Variants in DHX38 observed in about 807,000 individuals in gnomAD.
The protein encoded by DHX38 is DEAH-box helicase 38.
Under a neutral mutation model 153.1 loss-of-function variants are expected in DHX38, and 100 were observed. That is an observed-to-expected ratio of 0.65 (90% CI 0.56 to 0.77). The LOEUF (loss-of-function observed/expected upper bound fraction) is 0.77. Ranked by LOEUF, DHX38 falls within the 30% of genes least tolerant of loss-of-function variation. The pLI is 0.00. For missense variants in DHX38, 1,440 were observed against 1,654.0 expected (o/e 0.87, Z 2.24); for synonymous variants, 650 against 631.7 (o/e 1.03, Z -0.43).
At position 72,097,759 on chromosome 16, in the gene DHX38, G is replaced by C. The variant is rs1243995538; in HGVS notation, c.594G>C (p.Glu198Asp). 3 of 1,614,014 alleles carry C rather than the reference G, an allele frequency of 1.9e-6. No homozygotes were observed. Among genetic ancestry groups the C allele is most frequent in the Non-Finnish European group, 2.5e-6 (3 of 1,179,932 alleles). Reference sequence around the variant, plus strand: ...GTAGCAGCAGAAGAAATGAACCCGAGAGCCCACGACATCGACCTAAAGGTA... The same window carrying C: ...GTAGCAGCAGAAGAAATGAACCCGACAGCCCACGACATCGACCTAAAGGTA... ...SERSSRRNEPESPRHRPKDAA... is the reference protein window; with the variant it reads ...SERSSRRNEPDSPRHRPKDAA... Residue 198 changes from glutamate to aspartate, a missense_variant, in exon 4 of 27, where the codon GAG becomes GAC. By Grantham distance (45) the Glu-to-Asp change is conservative. Transcript: ENST00000268482.
rs1369734598 is a variant in DHX38, at chr16:72,100,433, C to A, written c.1117-3C>A. The A allele has an allele frequency of 6.2e-7, 1 of 1,613,560 alleles. No homozygotes were observed. Among genetic ancestry groups the A allele is most frequent in the Non-Finnish European group, 8.5e-7 (1 of 1,179,744 alleles). Reference sequence around the variant, plus strand: ...GAGTGTGGCTCCCATTGTGTCCTCACAGGATAACGAGCGCTGGGAGACAAA... The same window carrying A: ...GAGTGTGGCTCCCATTGTGTCCTCAAAGGATAACGAGCGCTGGGAGACAAA... On this transcript the variant is annotated splice_region_variant and splice_polypyrimidine_tract_variant and intron_variant, in intron 8 of 26. Transcript: ENST00000268482.
At chr16:72,098,556 A>T in intron 4 of DHX38, 89 bp from the exon 5 acceptor site, 1 of 1,522,036 alleles carries the variant, frequency 6.6e-7, no homozygotes, top group Non-Finnish European at 8.9e-7. Context: ...AAAAGGAGTA[A>T]ATTTGGGGAA....
intron 11 of DHX38, 56 bp downstream of exon 11, chr16:72,101,668 T>G: frequency 1.4e-6 from 2 of 1,460,968 alleles, no homozygotes; most frequent in Non-Finnish European, 9.4e-7. Flanking sequence ...GGGGCCCATG[T>G]GGGCAGTTGC....
At position 72,105,154 on chromosome 16, in the gene DHX38, C is replaced by T. The variant is rs751801110; in HGVS notation, c.2262+17C>T. ...GACATTGAGGTGCGTGCCTTGGTCA[C>T]GACTGTGATGAGCGGGTGTGTCTTG... On this transcript the variant is annotated intron_variant, in intron 16 of 26. Coordinates refer to ENST00000268482, the MANE Select transcript of DHX38 (RefSeq NM_014003.4). 2.7e-5 allele frequency: 44 copies of T among 1,613,872 alleles called. No individual in the cohort carries two copies. The highest frequency in any genetic ancestry group is 1.3e-4 in the South Asian group (12 of 91,080).
Position 72,104,103 on chromosome 16 carries a change from C to G in DHX38, c.1982C>G (p.Thr661Ser), listed in dbSNP as rs746929014. Residue 661 changes from threonine to serine, a missense_variant, in exon 14 of 27, where the codon ACT becomes AGT. Transcript: ENST00000268482. This position sits in a 1 kb window ranked among gnomAD's most constrained non-coding sequence, Gnocchi z 4.5. The stretch of plus-strand genomic sequence containing the variant: ...GAGGCCCACGAGCGCTCCCTCAACA[C>G]TGACGTGCTCTTTGGGCTGCTCCGG... The part of the protein sequence containing the change: ...MDEAHERSLN[T>S]DVLFGLLREV... 2.5e-6 allele frequency: 4 copies of G among 1,614,042 alleles called. No homozygotes were observed. In the Admixed American group the frequency reaches 5.0e-5, roughly 20 times the overall value.
chr16:72,107,716 G>A lies in DHX38; in HGVS notation c.2881G>A (p.Val961Met). The change falls in exon 21 of 27, where the codon GTG (valine) becomes ATG (methionine). Residue 961 changes from valine (V) to methionine (M), a missense_variant. Physicochemically the swap from Val to Met is conservative, Grantham distance 21. This residue lies in a region of DHX38 where 543 missense variants were observed against 717.9 expected (regional missense o/e 0.76). Transcript: ENST00000268482. The surrounding 1 kb of genome is among the most constrained non-coding windows in gnomAD (Gnocchi z 5.3). Reference sequence around the variant, plus strand: ...CCCTGCCCTGTCCAAGATGCTCATCGTGTCCTGTGACATGGGCTGCAGCTC... The same window carrying A: ...CCCTGCCCTGTCCAAGATGCTCATCATGTCCTGTGACATGGGCTGCAGCTC... ...LDPALSKMLI[V>M]SCDMGCSSEI... The A allele has an allele frequency of 3.1e-6, 5 of 1,614,116 alleles. No individual in the cohort carries two copies. The highest frequency in any genetic ancestry group is 4.2e-6 in the Non-Finnish European group (5 of 1,180,026).
intron 4 of DHX38, among the ~76,000 whole-genome samples, 167 bp from the exon 5 acceptor site, chr16:72,098,478 G>T (rs1326030540): frequency 6.6e-6 from 1 of 152,182 alleles, no homozygotes; most frequent in Non-Finnish European, 1.5e-5. Context: ...ATTAAAAATT[G>T]AGATATCTTT....
Position 72,096,486 on chromosome 16 carries a change from G to C in DHX38, c.323+6G>C. ...CAAAATATCCGGAAAGACAGGTAAA[G>C]GCCTTAGTATGGGTTAGCCCAGAGG... On this transcript the variant is annotated splice_donor_region_variant and intron_variant, in intron 2 of 26. Transcript: ENST00000268482. 1 of 1,609,560 alleles carries C rather than the reference G, an allele frequency of 6.2e-7. No homozygotes were observed. Among genetic ancestry groups the C allele is most frequent in the Non-Finnish European group, 8.5e-7 (1 of 1,178,352 alleles).
At chr16:72,099,496 T>C (rs1426876060) in intron 7 of DHX38, among the ~76,000 whole-genome samples, 4 of 152,138 alleles carry the variant, frequency 2.6e-5, no homozygotes, top group Admixed American at 1.3e-4. Context: ...GGTGCCACCA[T>C]GTGGTAAATC....
chr16:72,102,548 G>A (rs560931893), intron 11 of DHX38, among the ~76,000 whole-genome samples: 6 of 152,326 alleles, frequency 3.9e-5, no homozygotes, highest in Admixed American at 3.3e-4. Flanking sequence ...GCAGGTTACT[G>A]TTTAGTGGGG....
Position 72,096,908 on chromosome 16 carries a change from G to A in DHX38, c.410G>A (p.Arg137Gln), listed in dbSNP as rs760440239. ...EFWERSRQRE[R>Q]ERREHGVYAS... ...TGGGAACGCAGTCGGCAGAGAGAGC[G>A]GGAGCGGCGGGAACATGGTGTCTAT... The change falls in exon 3 of 27, where the codon CGG becomes CAG. Residue 137 changes from arginine to glutamine, a missense_variant. This residue lies in a region of DHX38 where 483 missense variants were observed against 465.1 expected (regional missense o/e 1.04). Transcript: ENST00000268482. The A allele has an allele frequency of 1.5e-5, 24 of 1,613,946 alleles. 1 individual carries two copies. Among genetic ancestry groups the A allele is most frequent in the South Asian group, 5.5e-5 (5 of 91,068 alleles).
rs147365158 is a variant in DHX38 at position 72,096,355 on chromosome 16, C to T, written c.198C>T (p.Asp66=). The T allele has an allele frequency of 1.4e-4, 218 of 1,614,140 alleles. No homozygotes were observed. The African/African-American group carries it at 2.3e-3, about 17-fold the overall frequency. ...AACGGAGAGAGCGAGAGGAGAAGGA[C>T]GATGGGGAGGACAAGAAGAAGTCCA... The part of the protein sequence containing the change: ...SLKRREREEK[D]DGEDKKKSKV... Residue 66 remains aspartate (D), a synonymous_variant, in exon 2 of 27, where the codon GAC becomes GAT. Transcript: ENST00000268482.
intron 1 of DHX38, among the ~76,000 whole-genome samples, chr16:72,094,996 T>A (rs1008219008): frequency 1.3e-5 from 2 of 152,248 alleles, no homozygotes; most frequent in African/African-American, 4.8e-5. Context: ...CTGATGGCAT[T>A]TTCAAAATGT....
intron 19 of DHX38, among the ~76,000 whole-genome samples, chr16:72,106,947 G>A (rs139273281): frequency 0.015 from 2,356 of 152,160 alleles, 29 homozygotes; most frequent in Middle Eastern, 0.051. Context: ...GAGGCGGGCC[G>A]ATCACAAGGT....
intron 8 of DHX38, 80 bp from the exon 9 acceptor site, chr16:72,100,356 A>T: frequency 6.6e-7 from 1 of 1,525,864 alleles, no homozygotes; most frequent in Non-Finnish European, 8.9e-7. Context: ...TCAGGACTTG[A>T]TGTGTGGACT....
chr16:72,106,168 G>A lies in DHX38; in HGVS notation c.2600+51G>A, dbSNP rs757631827. The A allele has an allele frequency of 9.5e-6, 15 of 1,579,840 alleles. No individual in the cohort carries two copies. The African/African-American group carries it at 1.7e-4, about 18-fold the overall frequency. ...TCTGGGGCAGCGCTGGGGTTGCTGA[G>A]CGTGGAGCCCGGGCGGGGGCGGGCA... On this transcript the variant is annotated intron_variant, in intron 19 of 26. Coordinates refer to ENST00000268482, the MANE Select transcript of DHX38 (RefSeq NM_014003.4).
In DHX38 at chr16:72,101,175, G is replaced by C. The variant is rs1334121795; in HGVS notation, c.1368G>C (p.Glu456Asp). The change falls in exon 10 of 27, where the codon GAG becomes GAC. Residue 456 changes from glutamate to aspartate, a missense_variant. This residue lies in a region of DHX38 where 241 missense variants were observed against 229.5 expected (regional missense o/e 1.05). Coordinates refer to ENST00000268482, the MANE Select transcript of DHX38 (RefSeq NM_014003.4). The part of the protein sequence containing the change: ...KGSQTVRKHR[E>D]QKERKKAQHK... ...GCCAGACAGTGCGGAAGCACAGGGA[G>C]CAGAAGGAGCGCAAGAAGGTTGGTT... 1 of 1,614,292 alleles carries C rather than the reference G, an allele frequency of 6.2e-7. No homozygotes were observed. Among genetic ancestry groups the C allele is most frequent in the Non-Finnish European group, 8.5e-7 (1 of 1,180,052 alleles).
At position 72,096,520 on chromosome 16, in the gene DHX38, C is replaced by T. The variant is rs374172495; in HGVS notation, c.323+40C>T. The stretch of plus-strand genomic sequence containing the variant: ...ATGGGTTAGCCCAGAGGGAAGCGAA[C>T]GGAGGCTGGAAAATAACAGCTCATG... On this transcript the variant is annotated intron_variant, in intron 2 of 26. Transcript: ENST00000268482. 9.8e-5 allele frequency: 150 copies of T among 1,538,152 alleles called. No individual in the cohort carries two copies. In the African/African-American group the frequency reaches 1.4e-3, roughly 14 times the overall value.
chr16:72,100,960 G>C, intron 9 of DHX38, 126 bp from the exon 10 acceptor site: 1 of 970,570 alleles, frequency 1.0e-6, no homozygotes, highest in South Asian at 1.5e-5. Flanking sequence ...GAGACAGAAA[G>C]AAGAGAAGGG....
Sources: gnomAD v4.1 joint callset for allele counts (sites outside exome capture counted in the v4.1 genomes callset) on GRCh38, gnomAD v4.1.1 for gene constraint, gnomAD v4.1.1 regional missense constraint, Gnocchi (gnomAD v3.1) non-coding constraint, MANE v1.5 for transcripts, NCBI Gene and HGNC (gene_info 2026-07-23, HGNC 2026-07-21) for gene names.